Variants in HEMK2 observed in about 807,000 individuals in gnomAD.
HEMK2 encodes methyltransferase HEMK2.
the HEMK2 span, among the ~76,000 whole-genome samples, chr21:28,878,891 T>C: frequency 4.7e-5 from 7 of 149,202 alleles, no homozygotes; most frequent in Non-Finnish European, 7.4e-5. Flanking sequence ...GTGAAACACA[T>C]AGATCTTTTC....
chr21:28,649,631 T>C, the HEMK2 span, among the ~76,000 whole-genome samples: 3 of 152,206 alleles, frequency 2.0e-5, no homozygotes, highest in Non-Finnish European at 4.4e-5. Flanking sequence ...GGATAACTGC[T>C]GGGAGAGGGT....
At chr21:28,614,029 C>T in the HEMK2 span, among the ~76,000 whole-genome samples, 1 of 152,154 alleles carries the variant, frequency 6.6e-6, no homozygotes, top group African/African-American at 2.4e-5. Flanking sequence ...CTGTCTCTTG[C>T]ATACATATTA....
the HEMK2 span, among the ~76,000 whole-genome samples, chr21:28,670,825 G>A: frequency 6.6e-6 from 1 of 152,138 alleles, no homozygotes; most frequent in South Asian, 2.1e-4. Flanking sequence ...AGGAACTGTC[G>A]AATGCTTATA....
chr21:28,737,362 T>C, the HEMK2 span, among the ~76,000 whole-genome samples: 1 of 152,180 alleles, frequency 6.6e-6, no homozygotes, highest in Non-Finnish European at 1.5e-5. Context: ...TGGCCTCAAG[T>C]GATCTGCCCA....
At chr21:28,586,021 A>C in the HEMK2 span, among the ~76,000 whole-genome samples, 3 of 152,228 alleles carry the variant, frequency 2.0e-5, no homozygotes, top group Non-Finnish European at 4.4e-5. Context: ...ATTATTTATA[A>C]CACTAGTGAT....
chr21:28,654,965 T>C, the HEMK2 span, among the ~76,000 whole-genome samples: 6 of 152,046 alleles, frequency 3.9e-5, no homozygotes, highest in Non-Finnish European at 5.9e-5. Context: ...TGTTGTCTTT[T>C]ACGCTCACCA....
the HEMK2 span, among the ~76,000 whole-genome samples, chr21:28,868,476 G>A: frequency 7.2e-5 from 11 of 152,124 alleles, no homozygotes; most frequent in African/African-American, 9.7e-5. Context: ...GAGCTCAGGC[G>A]TTCAAGACCA....
At chr21:28,580,981 C>T in the HEMK2 span, among the ~76,000 whole-genome samples, 4,000 of 152,178 alleles carry the variant, frequency 0.026, 179 homozygotes, top group African/African-American at 0.091. Flanking sequence ...TTACCCACAC[C>T]CCCATTGCCA....
chr21:28,882,649 T>C, the HEMK2 span, among the ~76,000 whole-genome samples: 1 of 152,172 alleles, frequency 6.6e-6, no homozygotes, highest in Non-Finnish European at 1.5e-5. Flanking sequence ...GGACCATGTA[T>C]GGTAAAATTT....
At chr21:28,778,657 T>C in the HEMK2 span, among the ~76,000 whole-genome samples, 2 of 152,216 alleles carry the variant, frequency 1.3e-5, no homozygotes, top group Non-Finnish European at 2.9e-5. Context: ...AGTTTCTAGT[T>C]GCATTTTCCC....
the HEMK2 span, among the ~76,000 whole-genome samples, chr21:28,601,642 CTCTT>C: frequency 6.9e-6 from 1 of 144,876 alleles, no homozygotes; most frequent in Admixed American, 7.0e-5. Context: ...CTCTCTCTCT[CTCTT>C]TCTGTAATTT....
At chr21:28,778,579 C>T in the HEMK2 span, among the ~76,000 whole-genome samples, 2 of 152,318 alleles carry the variant, frequency 1.3e-5, no homozygotes, top group South Asian at 2.1e-4. Flanking sequence ...TCTCTGCATC[C>T]TTGCCAGCAT....
chr21:28,606,928 G>A, the HEMK2 span, among the ~76,000 whole-genome samples: 8 of 152,312 alleles, frequency 5.3e-5, no homozygotes, highest in East Asian at 1.5e-3. Context: ...ACTTGCTAAA[G>A]TGAAATTTTT....
At chr21:28,749,681 T>G in the HEMK2 span, among the ~76,000 whole-genome samples, 3 of 152,192 alleles carry the variant, frequency 2.0e-5, no homozygotes, top group Non-Finnish European at 2.9e-5. Flanking sequence ...TAACATGGTC[T>G]TTGCTCACAG....
chr21:28,831,462 C>CGAAAGAACGAAAGAAAGAAA, the HEMK2 span, among the ~76,000 whole-genome samples: 2 of 23,662 alleles, frequency 8.5e-5, no homozygotes, highest in East Asian at 2.0e-3. Context: ...AAGAAAAGAA[C>CGAAAGAACGAAAGAAAGAAA]GAAAGAAAGA....
At chr21:28,708,792 C>G in the HEMK2 span, among the ~76,000 whole-genome samples, 2 of 152,106 alleles carry the variant, frequency 1.3e-5, no homozygotes, top group African/African-American at 2.4e-5. Flanking sequence ...CATAGCCAAA[C>G]TGGATGAAAT....
the HEMK2 span, among the ~76,000 whole-genome samples, chr21:28,628,574 C>A: frequency 6.6e-6 from 1 of 152,168 alleles, no homozygotes; most frequent in Non-Finnish European, 1.5e-5. Context: ...GCCTCAGCCT[C>A]CCAAGCTAGC....
chr21:28,846,136 T>C, the HEMK2 span, among the ~76,000 whole-genome samples: 1 of 152,208 alleles, frequency 6.6e-6, no homozygotes, highest in South Asian at 2.1e-4. Flanking sequence ...CTTATTCTTT[T>C]TTATGGCCGC....
At chr21:28,626,164 A>C in the HEMK2 span, among the ~76,000 whole-genome samples, 1 of 152,140 alleles carries the variant, frequency 6.6e-6, no homozygotes, top group Non-Finnish European at 1.5e-5. Flanking sequence ...TGGACTTTTT[A>C]TGTTATATGT....
Sources: gnomAD v4.1 joint callset for allele counts (sites outside exome capture counted in the v4.1 genomes callset) on GRCh38, gnomAD v4.1.1 for gene constraint, MANE v1.5 for transcripts, NCBI Gene and HGNC (gene_info 2026-07-23, HGNC 2026-07-21) for gene names.